The following CDH8 variants were observed in gnomAD, a reference collection of about 807,000 sequenced individuals.
CDH8 encodes the protein cadherin 8, also known as cadherin-8.
In CDH8, 17 loss-of-function variants were observed where a neutral mutation model predicts 68.1. The ratio of observed to expected loss-of-function variants is 0.25; its 90% CI spans 0.17 to 0.37. The LOEUF (loss-of-function observed/expected upper bound fraction) is 0.37. Among genes scored for constraint, CDH8 ranks in the 10% least tolerant of loss-of-function variants. CDH8 has a pLI of 1.00. For missense variants in CDH8, 763 were observed against 999.3 expected (o/e 0.76, Z 3.19); for synonymous variants, 372 against 365.1 (o/e 1.02, Z -0.21).
chr16:61,921,524 C>A (rs777251703), intron 2 of CDH8, among the ~76,000 whole-genome samples: 2 of 152,104 alleles, frequency 1.3e-5, no homozygotes, highest in African/African-American at 4.8e-5. Context: ...AATCTGTCCC[C>A]GAACAGAAAC....
In CDH8 at chr16:61,837,477, C is replaced by A. The variant is rs185389369; in HGVS notation, c.668-12298G>T. On this transcript the variant is annotated intron_variant, in intron 4 of 11. Coordinates refer to ENST00000577390, the MANE Select transcript of CDH8 (RefSeq NM_001796.5). ...CTTAGCCACTGACAAGGAATGAGTT[C>A]ATCATTCCATAAGTGTTTATCAAAC... is the stretch of plus-strand genomic sequence containing the variant. 1.4e-3 allele frequency among the ~76,000 whole-genome samples: 217 copies of A among 152,084 alleles called. 2 individuals are homozygous for A. Among genetic ancestry groups the A allele is most frequent in the Non-Finnish European group, 1.3e-3 (86 of 67,970 alleles).
At chr16:61,881,024 G>C (rs1241653814) in intron 3 of CDH8, among the ~76,000 whole-genome samples, 1 of 152,062 alleles carries the variant, frequency 6.6e-6, no homozygotes, top group Non-Finnish European at 1.5e-5. Flanking sequence ...TCTGAATGCT[G>C]CCAACAGCCA....
chr16:61,682,820 C>T (rs1348376815), intron 10 of CDH8, among the ~76,000 whole-genome samples: 1 of 151,884 alleles, frequency 6.6e-6, no homozygotes, highest in African/African-American at 2.4e-5. Context: ...TTGCCAGTGA[C>T]ATTTTAAAGT....
At chr16:61,978,630 A>C (rs922543501) in intron 2 of CDH8, among the ~76,000 whole-genome samples, 7 of 152,062 alleles carry the variant, frequency 4.6e-5, no homozygotes, top group African/African-American at 1.7e-4. Flanking sequence ...GTTTCCATGC[A>C]TTGGTCCCCA....
chr16:61,759,998 C>T (rs1398438105), intron 8 of CDH8, among the ~76,000 whole-genome samples: 2 of 151,920 alleles, frequency 1.3e-5, no homozygotes, highest in Non-Finnish European at 1.5e-5. Context: ...GAAACATGGA[C>T]ACCATGAAAC....
At chr16:61,713,316 A>G (rs1964664982) in intron 10 of CDH8, among the ~76,000 whole-genome samples, 1 of 151,714 alleles carries the variant, frequency 6.6e-6, no homozygotes, top group African/African-American at 2.4e-5. Context: ...ATCAGTTCAT[A>G]TTAGCTCCAA....
At chr16:61,994,569 C>A (rs548381677) in intron 2 of CDH8, among the ~76,000 whole-genome samples, 23 of 152,310 alleles carry the variant, frequency 1.5e-4, no homozygotes, top group African/African-American at 5.5e-4. Context: ...GTTCTCTCTG[C>A]TACACACAAC....
At chr16:61,799,378 T>C (rs1394060819) in intron 7 of CDH8, among the ~76,000 whole-genome samples, 1 of 152,204 alleles carries the variant, frequency 6.6e-6, no homozygotes, top group Non-Finnish European at 1.5e-5. Context: ...TATTTAATAA[T>C]ATATTTAATG....
Position 61,960,406 on chromosome 16 carries a change from CATAT to C in CDH8, c.253-58937_253-58934del, listed in dbSNP as rs370922620. ...GTGTGTGTATACACATACATATATA[CATAT>C]ATGTGTGTGTGTATACACATACATA... On this transcript the variant is annotated intron_variant, in intron 2 of 11. Transcript: ENST00000577390. Among the ~76,000 whole-genome samples, 443 of 120,414 alleles carry C rather than the reference CATAT, an allele frequency of 3.7e-3. 88 individuals are homozygous for C. Among genetic ancestry groups the C allele is most frequent in the African/African-American group, 0.016 (389 of 24,626 alleles). The allele number at this position is 120,414 out of a possible 152,430, so 79.0% of individuals were successfully genotyped here.
chr16:61,986,694 T>G (rs1965634682), intron 2 of CDH8, among the ~76,000 whole-genome samples: 1 of 152,156 alleles, frequency 6.6e-6, no homozygotes, highest in African/African-American at 2.4e-5. Flanking sequence ...TCCAAGACTG[T>G]ATGAAGGTAG....
rs1345493337 is a variant in CDH8 at position 61,960,254 on chromosome 16, CACATACATATATACGTGTGTGTGTAT to C, written c.253-58807_253-58782del. Among the ~76,000 whole-genome samples the C allele has an allele frequency of 1.7e-4, 15 of 89,034 alleles. 3 individuals carry two copies. The highest frequency in any genetic ancestry group is 3.2e-4 in the Admixed American group (3 of 9,362). 58.4% of individuals were successfully genotyped at this position (89,034 alleles called of 152,430 possible). A position where few individuals can be genotyped will look rare whatever the true frequency, so the allele number is the denominator to read the frequency against. The stretch of plus-strand genomic sequence containing the variant: ...ACATATATACATGTGTGTGTGTATA[CACATACATATATACGTGTGTGTGTAT>C]ACACACATATATACGTGTGTGTGTA... On this transcript the variant is annotated intron_variant, in intron 2 of 11. Coordinates refer to ENST00000577390, the MANE Select transcript of CDH8 (RefSeq NM_001796.5).
intron 8 of CDH8, among the ~76,000 whole-genome samples, chr16:61,754,212 G>A (rs1960251462): frequency 6.6e-6 from 1 of 152,058 alleles, no homozygotes; most frequent in African/African-American, 2.4e-5. Flanking sequence ...ATGTTACACA[G>A]TTTTCCATGA....
At position 61,817,700 on chromosome 16, in the gene CDH8, C is replaced by A. The variant is rs773157191; in HGVS notation, c.1056G>T (p.Thr352=). 2.5e-5 allele frequency: 40 copies of A among 1,584,248 alleles called. No homozygotes were observed. In the South Asian group the frequency reaches 4.3e-4, roughly 17 times the overall value. The change falls in exon 7 of 12, where the codon ACG becomes ACT. Residue 352 remains threonine, a synonymous_variant. Coordinates refer to ENST00000577390, the MANE Select transcript of CDH8 (RefSeq NM_001796.5). ...GGACATTGGCTGCCTCTACCTTTAG[C>A]GTATAGGATTTTTTGGTCTCAAAGT... is the stretch of plus-strand genomic sequence containing the variant. ...PLDFETKKSY[T]LKVEAANVHI...
At chr16:62,002,999 C>T (rs959608439) in intron 2 of CDH8, among the ~76,000 whole-genome samples, 2 of 151,954 alleles carry the variant, frequency 1.3e-5, no homozygotes, top group Admixed American at 1.3e-4. Context: ...TTGCAGTGAG[C>T]AGATATCGCA....
At chr16:61,783,829 C>A (rs1961155868) in intron 8 of CDH8, among the ~76,000 whole-genome samples, 1 of 152,050 alleles carries the variant, frequency 6.6e-6, no homozygotes, top group Non-Finnish European at 1.5e-5. Flanking sequence ...TCATGTCCAG[C>A]CAAACTAAGC....
intron 3 of CDH8, among the ~76,000 whole-genome samples, chr16:61,896,060 C>T (rs1180223375): frequency 6.6e-6 from 1 of 151,682 alleles, no homozygotes; most frequent in Non-Finnish European, 1.5e-5. Flanking sequence ...TTAAAATACA[C>T]TTGACCCCAA....
At chr16:61,813,842 G>A (rs1962011483) in intron 7 of CDH8, among the ~76,000 whole-genome samples, 2 of 152,044 alleles carry the variant, frequency 1.3e-5, no homozygotes, top group African/African-American at 4.8e-5. Flanking sequence ...AGTATATGTT[G>A]CACAGGTCCT....
chr16:61,960,405 AC>A (rs2030306697), intron 2 of CDH8, among the ~76,000 whole-genome samples: 1 of 144,646 alleles, frequency 6.9e-6, no homozygotes, highest in Admixed American at 6.8e-5. Context: ...ATACATATAT[AC>A]ATATATGTGT....
At chr16:61,717,374 T>G (rs1447846673) in intron 9 of CDH8, among the ~76,000 whole-genome samples, 1 of 151,516 alleles carries the variant, frequency 6.6e-6, no homozygotes, top group Non-Finnish European at 1.5e-5. Flanking sequence ...AGACTACAGA[T>G]TTGAAATTAA....
Sources: allele counts gnomAD v4.1 joint callset (sites outside exome capture counted in the v4.1 genomes callset), GRCh38; gene constraint gnomAD v4.1.1; transcripts MANE v1.5; gene names NCBI Gene and HGNC (gene_info 2026-07-23, HGNC 2026-07-21).